The following ZNF385D variants were observed in gnomAD, a reference collection of about 807,000 sequenced individuals.
ZNF385D encodes the protein zinc finger protein 385D.
ZNF385D carries 15 observed loss-of-function variants against 35.8 expected under a neutral mutation model. That is an observed-to-expected ratio of 0.42 (90% CI 0.28 to 0.64). The LOEUF is 0.64. Among genes scored for constraint, ZNF385D ranks in the 30% least tolerant of loss-of-function variants. The probability of loss-of-function intolerance (pLI) is 0.23; values close to 1 mark genes in which losing one functional copy is unlikely to be tolerated. For synonymous variants in ZNF385D, 212 were observed against 186.8 expected (o/e 1.13, Z -1.10); for missense variants, 474 against 494.6 (o/e 0.96, Z 0.39).
At chr3:21,806,090 G>T (rs1372096726) in intron 3 of ZNF385D, among the ~76,000 whole-genome samples, 1 of 151,962 alleles carries the variant, frequency 6.6e-6, no homozygotes, top group East Asian at 1.9e-4. Context: ...AGCAAAGCAG[G>T]CTTATTTGTC....
intron 3 of ZNF385D, among the ~76,000 whole-genome samples, chr3:21,554,011 C>G (rs1219989351): frequency 6.6e-6 from 1 of 152,136 alleles, no homozygotes; most frequent in Non-Finnish European, 1.5e-5. Flanking sequence ...GAAGAAACTT[C>G]TTTTAAATTC....
At chr3:22,227,785 TTTC>T (rs1698650043) in intron 2 of ZNF385D, among the ~76,000 whole-genome samples, 1 of 152,108 alleles carries the variant, frequency 6.6e-6, no homozygotes. Flanking sequence ...TTTCTAGAAA[TTTC>T]TTCATTATCA....
chr3:21,917,803 G>C (rs1223372203), intron 3 of ZNF385D, among the ~76,000 whole-genome samples: 1 of 152,102 alleles, frequency 6.6e-6, no homozygotes. Context: ...TTGACTCAGA[G>C]CTATGCTTTT....
intron 3 of ZNF385D, among the ~76,000 whole-genome samples, chr3:22,045,056 T>C (rs1464873350): frequency 6.6e-6 from 1 of 152,082 alleles, no homozygotes; most frequent in African/African-American, 2.4e-5. Flanking sequence ...TTGATATTTA[T>C]CCTGCAACTT....
intron 2 of ZNF385D, among the ~76,000 whole-genome samples, chr3:22,313,146 A>G (rs1703672972): frequency 6.6e-6 from 1 of 151,940 alleles, no homozygotes; most frequent in Non-Finnish European, 1.5e-5. Context: ...AACTATCGCC[A>G]AGGACAAAAA....
chr3:22,083,682 C>G (rs1047236665), intron 3 of ZNF385D, among the ~76,000 whole-genome samples: 4 of 152,164 alleles, frequency 2.6e-5, no homozygotes, highest in African/African-American at 9.7e-5. Context: ...AAGAGAAATT[C>G]CCCAACCTAG....
chr3:21,954,848 C>T (rs947091822), intron 3 of ZNF385D, among the ~76,000 whole-genome samples: 1 of 152,022 alleles, frequency 6.6e-6, no homozygotes, highest in Non-Finnish European at 1.5e-5. Context: ...TCACAGCAAC[C>T]ACTGAAAGTG....
chr3:21,942,156 T>G (rs1425279596), intron 3 of ZNF385D, among the ~76,000 whole-genome samples: 1 of 152,226 alleles, frequency 6.6e-6, no homozygotes, highest in African/African-American at 2.4e-5. Context: ...AAAAATTTTA[T>G]AGCGTAATTT....
At chr3:22,242,788 C>A (rs915057524) in intron 2 of ZNF385D, among the ~76,000 whole-genome samples, 1 of 150,966 alleles carries the variant, frequency 6.6e-6, no homozygotes, top group Non-Finnish European at 1.5e-5. Flanking sequence ...TTTGAAAAAT[C>A]TATCATAATT....
chr3:21,437,682 C>A (rs1701629292), intron 4 of ZNF385D, among the ~76,000 whole-genome samples: 1 of 80,642 alleles, frequency 1.2e-5, no homozygotes, highest in Non-Finnish European at 2.3e-5. Flanking sequence ...AGGTACAGAT[C>A]CTTTTGCAAA....
intron 2 of ZNF385D, among the ~76,000 whole-genome samples, chr3:21,615,076 C>G (rs1382336433): frequency 2.6e-5 from 4 of 152,174 alleles, no homozygotes. Flanking sequence ...TTGCCCCCCT[C>G]CAAATCTCAT....
intron 2 of ZNF385D, among the ~76,000 whole-genome samples, chr3:22,279,116 T>C (rs1701584574): frequency 2.0e-5 from 3 of 152,070 alleles, no homozygotes; most frequent in Admixed American, 6.6e-5. Flanking sequence ...CCTTTTTTGT[T>C]TTATTTCAAT....
chr3:22,135,092 A>G (rs1443414170), intron 3 of ZNF385D, among the ~76,000 whole-genome samples: 2 of 152,202 alleles, frequency 1.3e-5, no homozygotes, highest in African/African-American at 4.8e-5. Context: ...ACACCTGATT[A>G]GCCACTTTTC....
At chr3:21,902,229 G>A (rs1479133928) in intron 3 of ZNF385D, among the ~76,000 whole-genome samples, 1 of 152,044 alleles carries the variant, frequency 6.6e-6, no homozygotes, top group Non-Finnish European at 1.5e-5. Context: ...TGCTCTCAAT[G>A]GTCATCATGG....
intron 3 of ZNF385D, among the ~76,000 whole-genome samples, chr3:21,876,141 T>A (rs995449786): frequency 6.6e-6 from 1 of 151,938 alleles, no homozygotes; most frequent in East Asian, 1.9e-4. Context: ...ATTGTTTGCA[T>A]CTTGTAAGTG....
chr3:21,938,851 C>T (rs958899025), intron 3 of ZNF385D, among the ~76,000 whole-genome samples: 1 of 152,192 alleles, frequency 6.6e-6, no homozygotes, highest in Non-Finnish European at 1.5e-5. Flanking sequence ...AGTTTCAGGC[C>T]TTCCCAACTT....
intron 3 of ZNF385D, among the ~76,000 whole-genome samples, chr3:22,069,933 G>C (rs999660004): frequency 7.2e-5 from 11 of 152,138 alleles, no homozygotes; most frequent in African/African-American, 2.7e-4. Context: ...AGAGTGCCAA[G>C]CTCTCAGCAG....
At chr3:22,159,225 T>C (rs1705790882) in intron 3 of ZNF385D, among the ~76,000 whole-genome samples, 1 of 151,766 alleles carries the variant, frequency 6.6e-6, no homozygotes, top group Non-Finnish European at 1.5e-5. Context: ...ACACACTCAC[T>C]CCCACGCACA....
intron 2 of ZNF385D, among the ~76,000 whole-genome samples, chr3:21,642,009 G>T (rs967135763): frequency 6.6e-6 from 1 of 152,076 alleles, no homozygotes; most frequent in African/African-American, 2.4e-5. Flanking sequence ...TTGTCACCAC[G>T]TGTACAGTAA....
Sources: gnomAD v4.1 joint callset for allele counts (sites outside exome capture counted in the v4.1 genomes callset) on GRCh38, gnomAD v4.1.1 for gene constraint, MANE v1.5 for transcripts, NCBI Gene and HGNC (gene_info 2026-07-23, HGNC 2026-07-21) for gene names.